The following LHCGR variants were observed in gnomAD, a reference collection of about 807,000 sequenced individuals.
LHCGR encodes the protein luteinizing hormone/choriogonadotropin receptor.
LHCGR carries 55 observed loss-of-function variants against 60.7 expected under a neutral mutation model. The ratio of observed to expected loss-of-function variants is 0.91; its 90% CI spans 0.73 to 1.13. The LOEUF is 1.13. Ranked by LOEUF, LHCGR falls within the 50% of genes most tolerant of loss-of-function variation. LHCGR has a pLI of 0.00. For missense variants in LHCGR, 862 were observed against 836.0 expected (o/e 1.03, Z -0.38); for synonymous variants, 337 against 316.5 (o/e 1.06, Z -0.69).
Position 48,688,693 on chromosome 2 carries a change from C to G in LHCGR, c.1104G>C (p.Leu368=). 6.2e-7 allele frequency: 1 copy of G among 1,614,124 alleles called. No homozygotes were observed. The highest frequency in any genetic ancestry group is 8.5e-7 in the Non-Finnish European group (1 of 1,180,012). The part of the protein sequence containing the change: ...GYDFLRVLIW[L]INILAIMGNM... ...TTCCCATGATGGCTAGAATATTAAT[C>G]AGCCAAATCAGGACCCTAAGGAAGT... The change falls in exon 11 of 11, where the codon CTG becomes CTC. Residue 368 remains leucine (L), a synonymous_variant. Transcript: ENST00000294954. This position sits in a 1 kb window ranked among gnomAD's most constrained non-coding sequence, Gnocchi z 5.2.
intron 6 of LHCGR, 88 bp downstream of exon 6, chr2:48,723,368 G>T (rs1171842293): frequency 1.1e-6 from 1 of 911,298 alleles, no homozygotes; most frequent in East Asian, 2.5e-5. Context: ...GAGGAATGTG[G>T]TAAAACATGA....
rs13417256 is a variant in LHCGR, at chr2:48,747,159, G to A, written c.161+8352C>T. ...GGCTGGAGGGCAGTGGTGCGATCTC[G>A]GTTCACTGCAACCTCTGTCTCCTGG... On this transcript the variant is annotated intron_variant, in intron 1 of 10. Coordinates refer to ENST00000294954, the MANE Select transcript of LHCGR (RefSeq NM_000233.4). Among the ~76,000 whole-genome samples, 349 of 151,614 alleles carry A rather than the reference G, an allele frequency of 2.3e-3. 1 individual carries two copies. Among genetic ancestry groups the A allele is most frequent in the African/African-American group, 8.0e-3 (330 of 41,370 alleles).
At chr2:48,732,214 T>C (rs917268351) in intron 1 of LHCGR, among the ~76,000 whole-genome samples, 2 of 152,300 alleles carry the variant, frequency 1.3e-5, no homozygotes, top group African/African-American at 4.8e-5. Flanking sequence ...ATTGAGTATC[T>C]ACAATGGTTT....
intron 6 of LHCGR, among the ~76,000 whole-genome samples, chr2:48,715,380 A>T (rs1668199970): frequency 6.6e-6 from 1 of 152,214 alleles, no homozygotes; most frequent in Non-Finnish European, 1.5e-5. Context: ...TTAGATGGAA[A>T]TATTTGTATA....
intron 6 of LHCGR, among the ~76,000 whole-genome samples, chr2:48,722,122 C>G (rs1255599792): frequency 6.6e-6 from 1 of 152,200 alleles, no homozygotes; most frequent in Non-Finnish European, 1.5e-5. Context: ...TGCACTCCAG[C>G]CTGGTGACAG....
chr2:48,749,258 G>A (rs965262932), intron 1 of LHCGR, among the ~76,000 whole-genome samples: 4 of 152,178 alleles, frequency 2.6e-5, no homozygotes, highest in African/African-American at 9.7e-5. Context: ...GAGTACATGA[G>A]GACCCTGTGG....
chr2:48,698,585 G>C (rs774473552), intron 9 of LHCGR, 30 bp downstream of exon 9: 4 of 1,579,378 alleles, frequency 2.5e-6, no homozygotes, highest in Non-Finnish European at 3.5e-6. Flanking sequence ...CCACAGCTTG[G>C]GTAGGCTTTA....
chr2:48,688,992 T>A lies in LHCGR; in HGVS notation c.948-143A>T. On this transcript the variant is annotated intron_variant, in intron 10 of 10. Transcript: ENST00000294954. The surrounding 1 kb of genome is among the most constrained non-coding windows in gnomAD (Gnocchi z 5.2). Reference sequence around the variant, plus strand: ...CCTTACATTTATTTGTTAAATTATTTGAGAACTCTGATTTGATGTAGGAGT... The same window carrying A: ...CCTTACATTTATTTGTTAAATTATTAGAGAACTCTGATTTGATGTAGGAGT... 1 of 773,160 alleles carries A rather than the reference T, an allele frequency of 1.3e-6. No homozygotes were observed. The highest frequency in any genetic ancestry group is 1.7e-5 in the African/African-American group (1 of 57,456). 47.9% of individuals were successfully genotyped at this position (773,160 alleles called of 1,614,324 possible).
At chr2:48,734,388 G>A (rs1346068729) in intron 1 of LHCGR, among the ~76,000 whole-genome samples, 2 of 152,168 alleles carry the variant, frequency 1.3e-5, no homozygotes, top group African/African-American at 4.8e-5. Flanking sequence ...AGTGGGAGAA[G>A]GAGATAAAAT....
rs576305909 is a variant in LHCGR, at chr2:48,739,955, AG to A, written c.162-8658del. Among the ~76,000 whole-genome samples the A allele has an allele frequency of 4.3e-3, 651 of 152,330 alleles. 3 individuals are homozygous for A. The highest frequency in any genetic ancestry group is 0.02 in the Middle Eastern group (6 of 294). ...CAGGTTCATCTCACTAGGGAGTGCC[AG>A]ACAGTGGGCGCAGGTCAGTGGGTGC... On this transcript the variant is annotated intron_variant, in intron 1 of 10. Transcript: ENST00000294954.
At chr2:48,747,732 C>T (rs757294846) in intron 1 of LHCGR, among the ~76,000 whole-genome samples, 14 of 152,048 alleles carry the variant, frequency 9.2e-5, no homozygotes, top group Non-Finnish European at 1.5e-4. Flanking sequence ...TACATCTTCA[C>T]AGCATACTTC....
chr2:48,714,127 C>T, intron 6 of LHCGR, 73 bp from the exon 7 acceptor site: 1 of 1,030,074 alleles, frequency 9.7e-7, no homozygotes, highest in Non-Finnish European at 1.5e-6. Flanking sequence ...ATTTTTCCTC[C>T]TGTAACATAT....
chr2:48,713,975 C>A lies in LHCGR; in HGVS notation c.605+11G>T, dbSNP rs1255330869. 6.3e-7 allele frequency: 1 copy of A among 1,581,382 alleles called. No individual in the cohort carries two copies. Among genetic ancestry groups the A allele is most frequent in the African/African-American group, 1.3e-5 (1 of 74,234 alleles). Reference sequence around the variant, plus strand: ...TTTATTCCTGAGCTGGGGAAATAAGCAAATACTTACAGTGAAGTCAGTGTC... The same window carrying A: ...TTTATTCCTGAGCTGGGGAAATAAGAAAATACTTACAGTGAAGTCAGTGTC... On this transcript the variant is annotated intron_variant, in intron 7 of 10. Coordinates refer to ENST00000294954, the MANE Select transcript of LHCGR (RefSeq NM_000233.4).
intron 8 of LHCGR, among the ~76,000 whole-genome samples, chr2:48,700,538 G>A (rs913753494): frequency 1.3e-5 from 2 of 152,150 alleles, no homozygotes; most frequent in African/African-American, 4.8e-5. Flanking sequence ...ATACTGTCAT[G>A]CAGGAGTCTT....
At chr2:48,707,016 C>A (rs1667717383) in intron 8 of LHCGR, among the ~76,000 whole-genome samples, 1 of 152,164 alleles carries the variant, frequency 6.6e-6, no homozygotes, top group African/African-American at 2.4e-5. Flanking sequence ...GGTTTCTCCC[C>A]ATCTTTGTGG....
chr2:48,743,360 T>C (rs1296215060), intron 1 of LHCGR, among the ~76,000 whole-genome samples: 5 of 152,214 alleles, frequency 3.3e-5, no homozygotes, highest in African/African-American at 1.2e-4. Context: ...AGCATCATCC[T>C]GATACCAAAG....
intron 1 of LHCGR, among the ~76,000 whole-genome samples, chr2:48,748,827 A>G (rs911158706): frequency 6.6e-6 from 1 of 152,084 alleles, no homozygotes; most frequent in African/African-American, 2.4e-5. Context: ...CAGCAAAGAG[A>G]TTTCATCATT....
At chr2:48,733,020 A>G (rs1669066106) in intron 1 of LHCGR, 1 of 526,354 alleles carries the variant, frequency 1.9e-6, no homozygotes, top group Admixed American at 2.0e-5. Flanking sequence ...TTCTGGAATC[A>G]TGTTCGCTTG....
chr2:48,690,231 T>A (rs1382512571), intron 10 of LHCGR, among the ~76,000 whole-genome samples: 1 of 152,188 alleles, frequency 6.6e-6, no homozygotes, highest in Non-Finnish European at 1.5e-5. Context: ...AGGCCCTCCT[T>A]GGTCTGGGTT....
Sources: gnomAD v4.1 joint callset for allele counts (sites outside exome capture counted in the v4.1 genomes callset) on GRCh38, gnomAD v4.1.1 for gene constraint, Gnocchi (gnomAD v3.1) non-coding constraint, MANE v1.5 for transcripts, NCBI Gene and HGNC (gene_info 2026-07-23, HGNC 2026-07-21) for gene names.